Variants in LTN1 observed in about 807,000 individuals in gnomAD.
LTN1 encodes E3 ubiquitin-protein ligase listerin.
LTN1 carries 88 observed loss-of-function variants against 201.2 expected under a neutral mutation model. The ratio of observed to expected loss-of-function variants is 0.44; its 90% CI spans 0.37 to 0.52. The LOEUF is 0.52. Among genes scored for constraint, LTN1 ranks in the 20% least tolerant of loss-of-function variants. The pLI, the probability that LTN1 is intolerant of heterozygous loss-of-function variation, is 0.00. For missense variants in LTN1, 1,752 were observed against 2,038.7 expected, an observed-to-expected ratio of 0.86 and a Z score of 2.71; for synonymous variants, 645 against 713.5, an observed-to-expected ratio of 0.90 and a Z score of 1.53.
rs775062656 is a variant in LTN1 at position 28,952,291 on chromosome 21, T to C, written c.3240-27A>G. On this transcript the variant is annotated intron_variant, in intron 17 of 29. Transcript: ENST00000361371. ...TGAAAAAGGAAAGAAAAAAATTATATTCCGTTTTGAAAGCATACTGAATAA... is the reference window on the plus strand; with the variant it reads ...TGAAAAAGGAAAGAAAAAAATTATACTCCGTTTTGAAAGCATACTGAATAA... The C allele has an allele frequency of 3.7e-6, 5 of 1,365,354 alleles. No homozygotes were observed. In the South Asian group the frequency reaches 6.3e-5, roughly 17 times the overall value. The allele number at this position is 1,365,354 out of a possible 1,614,324, so 84.6% of individuals were successfully genotyped here.
Position 28,986,678 on chromosome 21 carries a change from TA to T in LTN1, c.246+52del. On this transcript the variant is annotated intron_variant, in intron 2 of 29. Transcript: ENST00000361371. The surrounding 1 kb of genome is among the most constrained non-coding windows in gnomAD (Gnocchi z 4.1). ...TACATAAAACATGCTAATGACATTT[TA>T]TTTTAACAAAGGGATTTTCTTGATA... is the stretch of plus-strand genomic sequence containing the variant. The T allele has an allele frequency of 7.3e-7, 1 of 1,376,236 alleles. No individual in the cohort carries two copies. The highest frequency in any genetic ancestry group is 1.2e-5 in the South Asian group (1 of 81,962). 85.3% of individuals were successfully genotyped at this position (1,376,236 alleles called of 1,614,324 possible).
intron 11 of LTN1, chr21:28,964,427 A>T: frequency 3.0e-6 from 2 of 665,634 alleles, no homozygotes; most frequent in Non-Finnish European, 4.5e-6. Context: ...GCAATAAATT[A>T]ATTTTAAATT....
At position 28,947,606 on chromosome 21, in the gene LTN1, A is replaced by G; in HGVS notation, c.3345T>C (p.Ser1115=). 1 of 1,551,962 alleles carries G rather than the reference A, an allele frequency of 6.4e-7. No individual in the cohort carries two copies. The highest frequency in any genetic ancestry group is 8.6e-7 in the Non-Finnish European group (1 of 1,158,942). Residue 1115 remains serine, a splice_region_variant and synonymous_variant, in exon 19 of 30, where the codon AGT becomes AGC. Transcript: ENST00000361371. ...EVKPHYKRKE[S]FFPLTEGNLH... is the part of the protein sequence containing the mutation. The stretch of plus-strand genomic sequence containing the variant: ...AATTGCCTTCAGTTAGTGGAAAAAA[A>G]CTGTTTAAAGAAAAAAAAAACACAA...
intron 11 of LTN1, among the ~76,000 whole-genome samples, chr21:28,962,857 C>T (rs1490843776): frequency 6.6e-6 from 1 of 152,170 alleles, no homozygotes; most frequent in South Asian, 2.1e-4. Flanking sequence ...CCAAGAGTAA[C>T]AGAAAGTGAC....
chr21:28,930,524 G>A lies in LTN1; in HGVS notation c.5239-14C>T. ...AAACCATTTGTACTGAAAAAGAAAA[G>A]GTTTTAAATACTAAAAGAACTTTTA... On this transcript the variant is annotated splice_polypyrimidine_tract_variant and intron_variant, in intron 29 of 29. Transcript: ENST00000361371. The A allele has an allele frequency of 1.3e-6, 2 of 1,586,690 alleles. No homozygotes were observed. The highest frequency in any genetic ancestry group is 1.7e-6 in the Non-Finnish European group (2 of 1,158,018).
chr21:28,966,129 C>T (rs1171536088), intron 10 of LTN1, among the ~76,000 whole-genome samples: 1 of 152,166 alleles, frequency 6.6e-6, no homozygotes, highest in Non-Finnish European at 1.5e-5. Flanking sequence ...CTAAAATGTT[C>T]TTATCCAACT....
Position 28,964,812 on chromosome 21 carries a change from G to A in LTN1, c.2163+1053C>T, listed in dbSNP as rs1412677369. On this transcript the variant is annotated intron_variant, in intron 11 of 29. Coordinates refer to ENST00000361371, the MANE Select transcript of LTN1 (RefSeq NM_015565.3). ...TTAGTCTACTCTTATCAAATTATTT[G>A]CACCCCCTGCTCTGAATCAAGGCTT... The A allele has an allele frequency of 2.7e-6, 4 of 1,507,564 alleles. No individual in the cohort carries two copies. In the African/African-American group the frequency reaches 5.6e-5, roughly 21 times the overall value. 93.4% of individuals were successfully genotyped at this position (1,507,564 alleles called of 1,614,324 possible). A position where few individuals can be genotyped will look rare whatever the true frequency, so the allele number is the denominator to read the frequency against.
At chr21:28,933,070 A>C (rs1023543673) in intron 27 of LTN1, among the ~76,000 whole-genome samples, 1 of 152,186 alleles carries the variant, frequency 6.6e-6, no homozygotes, top group African/African-American at 2.4e-5. Context: ...GGAGCCAACT[A>C]TCAACTGTCA....
intron 16 of LTN1, among the ~76,000 whole-genome samples, chr21:28,954,868 T>C (rs1281459991): frequency 1.3e-5 from 2 of 152,168 alleles, no homozygotes; most frequent in Non-Finnish European, 2.9e-5. Flanking sequence ...TATAGGACAT[T>C]GGTCTAGGCA....
intron 6 of LTN1, among the ~76,000 whole-genome samples, chr21:28,979,611 A>C (rs937869743): frequency 1.3e-5 from 2 of 152,206 alleles, no homozygotes; most frequent in Admixed American, 1.3e-4. Flanking sequence ...GTCAATCCTC[A>C]CAAATCCCAT....
chr21:28,986,994 T>C lies in LTN1; in HGVS notation c.43-60A>G. 3 of 1,121,898 alleles carry C rather than the reference T, an allele frequency of 2.7e-6. No homozygotes were observed. The highest frequency in any genetic ancestry group is 4.8e-4 in the Middle Eastern group (2 of 4,168). 69.5% of individuals were successfully genotyped at this position (1,121,898 alleles called of 1,614,324 possible). ...CCAGGAAGGGTTCAAAACTTAACTTTATAATTCCTTGGCTATTCCCATGGT... is the reference window on the plus strand; with the variant it reads ...CCAGGAAGGGTTCAAAACTTAACTTCATAATTCCTTGGCTATTCCCATGGT... On this transcript the variant is annotated intron_variant, in intron 1 of 29. Transcript: ENST00000361371. This position sits in a 1 kb window ranked among gnomAD's most constrained non-coding sequence, Gnocchi z 4.1.
intron 6 of LTN1, among the ~76,000 whole-genome samples, chr21:28,974,266 T>A: frequency 6.6e-6 from 1 of 152,200 alleles, no homozygotes; most frequent in East Asian, 1.9e-4. Context: ...AAATCATTCA[T>A]CATACTTTTA....
At chr21:28,944,294 T>TG in intron 22 of LTN1, 89 bp downstream of exon 22, 1 of 960,866 alleles carries the variant, frequency 1.0e-6, no homozygotes, top group South Asian at 1.5e-5. Context: ...TAGTATTATT[T>TG]GATTTAAACA....
At chr21:28,941,111 G>C (rs1049153460) in intron 25 of LTN1, 109 bp downstream of exon 25, 2 of 745,440 alleles carry the variant, frequency 2.7e-6, no homozygotes, top group Non-Finnish European at 4.3e-6. Context: ...TAAAAGATGA[G>C]ATTAAAACAT....
intron 23 of LTN1, 106 bp downstream of exon 23, chr21:28,943,561 C>A: frequency 1.1e-6 from 1 of 880,202 alleles, no homozygotes; most frequent in Non-Finnish European, 1.7e-6. Flanking sequence ...GCAGTCAGAT[C>A]TCCTTCTTTT....
chr21:28,934,154 A>G (rs1305983952), intron 27 of LTN1, among the ~76,000 whole-genome samples: 1 of 152,200 alleles, frequency 6.6e-6, no homozygotes, highest in Admixed American at 6.5e-5. Context: ...AAAAATAATT[A>G]TCAGTCTCGC....
rs773146764 is a variant in LTN1 at position 28,931,271 on chromosome 21, G to A, written c.5122C>T (p.Arg1708Cys). The A allele has an allele frequency of 2.1e-5, 34 of 1,612,226 alleles. No individual in the cohort carries two copies. Among genetic ancestry groups the A allele is most frequent in the Admixed American group, 3.3e-5 (2 of 59,868 alleles). ...LALWKNNVDK[R>C]FEGVEDCMIC... ...ATGCAATCTTCAACACCCTCAAAAC[G>A]TTTGTCTACGTTATTTTTCCATAAA... Residue 1708 changes from arginine to cysteine, a missense_variant, in exon 29 of 30, where the codon CGT (arginine) becomes TGT (cysteine). Transcript: ENST00000361371.
intron 11 of LTN1, chr21:28,961,216 T>C (rs1473500303): frequency 6.6e-6 from 1 of 152,258 alleles, no homozygotes; most frequent in African/African-American, 2.4e-5. Context: ...CAATGAATAA[T>C]GAATAAACTT....
rs1401899992 is a variant in LTN1, at chr21:28,992,838, G to C, written c.-33C>G. ...GTTGCAGCTGTACTCTGAGCACTCA[G>C]ACCCCGGTTGACACGTCCGGGACAC... On this transcript the variant is annotated 5_prime_UTR_variant, in exon 1 of 30. Coordinates refer to ENST00000361371, the MANE Select transcript of LTN1 (RefSeq NM_015565.3). The C allele has an allele frequency of 3.1e-6, 5 of 1,614,172 alleles. No individual in the cohort carries two copies. Among genetic ancestry groups the C allele is most frequent in the East Asian group, 4.5e-5 (2 of 44,880 alleles).
Sources: gnomAD v4.1 joint callset for allele counts (sites outside exome capture counted in the v4.1 genomes callset) on GRCh38, gnomAD v4.1.1 for gene constraint, Gnocchi (gnomAD v3.1) non-coding constraint, MANE v1.5 for transcripts, NCBI Gene and HGNC (gene_info 2026-07-23, HGNC 2026-07-21) for gene names.